The following ITPR3 variants were observed in gnomAD, a reference collection of about 807,000 sequenced individuals.
ITPR3 encodes the protein inositol 1,4,5-trisphosphate-gated calcium channel ITPR3.
In ITPR3, 173 loss-of-function variants were observed where a neutral mutation model predicts 293.2. The observed-to-expected ratio is 0.59, with a 90% CI of 0.52 to 0.67. ITPR3 has a LOEUF of 0.67. Ranked by LOEUF, ITPR3 falls within the 30% of genes least tolerant of loss-of-function variation. The pLI is 0.00. For missense variants in ITPR3, 2,796 were observed against 3,592.1 expected (o/e 0.78, Z 5.66); for synonymous variants, 1,295 against 1,444.4 (o/e 0.90, Z 2.35).
At position 33,633,851 on chromosome 6, in the gene ITPR3, G is replaced by A. The variant is rs1410184999; in HGVS notation, c.90-6633G>A. On this transcript the variant is annotated intron_variant, in intron 1 of 57. Coordinates refer to ENST00000605930, the MANE Select transcript of ITPR3 (RefSeq NM_002224.4). The surrounding 1 kb of genome is among the most constrained non-coding windows in gnomAD (Gnocchi z 5.2). ...CGGGGCGGGCGCGGGGCGGGGCCGG[G>A]CCGGGCCGGGGCGGGGCCAGGGAGG... 6.8e-6 allele frequency among the ~76,000 whole-genome samples: 1 copy of A among 146,286 alleles called. No individual in the cohort carries two copies. The highest frequency in any genetic ancestry group is 1.5e-5 in the Non-Finnish European group (1 of 65,854).
intron 7 of ITPR3, among the ~76,000 whole-genome samples, chr6:33,661,624 G>A (rs1020300918): frequency 6.6e-6 from 1 of 152,170 alleles, no homozygotes; most frequent in Non-Finnish European, 1.5e-5. Flanking sequence ...GGAGGTCATT[G>A]TATTCCCATT....
In ITPR3 at chr6:33,673,208, G is replaced by C. The variant is rs370915640; in HGVS notation, c.2929-383G>C. The stretch of plus-strand genomic sequence containing the variant: ...CCCATGAGTATCCAGGGTCTGTTTG[G>C]CTGAGCAGGATAGGAGGACAAGAGT... On this transcript the variant is annotated intron_variant, in intron 22 of 57. Transcript: ENST00000605930. Among the ~76,000 whole-genome samples, 73 of 152,308 alleles carry C rather than the reference G, an allele frequency of 4.8e-4. 2 individuals carry two copies. In the East Asian group the frequency reaches 0.012, roughly 25 times the overall value.
chr6:33,659,189 C>A, intron 6 of ITPR3, 70 bp downstream of exon 6: 2 of 1,400,868 alleles, frequency 1.4e-6, no homozygotes, highest in Non-Finnish European at 2.0e-6. Context: ...AGACACCCCG[C>A]TCCCTGCCAT....
intron 18 of ITPR3, 63 bp downstream of exon 18, chr6:33,669,219 C>G: frequency 6.6e-7 from 1 of 1,513,538 alleles, no homozygotes; most frequent in Non-Finnish European, 9.0e-7. Flanking sequence ...AGTAGGCCGT[C>G]AGTCAATCCC....
intron 2 of ITPR3, among the ~76,000 whole-genome samples, chr6:33,646,362 T>TCCCACCC (rs1481984874): frequency 2.1e-5 from 2 of 97,134 alleles, no homozygotes; most frequent in African/African-American, 8.2e-5. Context: ...CCCACCCTCT[T>TCCCACCC]CCCACCCCCC....
intron 1 of ITPR3, among the ~76,000 whole-genome samples, chr6:33,630,808 G>T (rs1434318840): frequency 6.6e-6 from 1 of 152,216 alleles, no homozygotes; most frequent in African/African-American, 2.4e-5. Context: ...GCTTTCTGAA[G>T]GCTTTAGCTG....
chr6:33,642,209 C>T (rs1763967486), intron 2 of ITPR3, among the ~76,000 whole-genome samples: 1 of 152,158 alleles, frequency 6.6e-6, no homozygotes, highest in African/African-American at 2.4e-5. Context: ...AGCCCAGGCT[C>T]TGTGGGTTTA....
chr6:33,675,747 T>A lies in ITPR3; in HGVS notation c.3173T>A (p.Val1058Glu). 6.2e-7 allele frequency: 1 copy of A among 1,613,078 alleles called. No homozygotes were observed. Among genetic ancestry groups the A allele is most frequent in the Non-Finnish European group, 8.5e-7 (1 of 1,179,868 alleles). The stretch of plus-strand genomic sequence containing the variant: ...GAGGGCGGCCGCATGTTCCTGCGCG[T>A]GCTCATCCACCTCACCATGCACGAC... ...DDEGGRMFLR[V>E]LIHLTMHDYA... The change falls in exon 25 of 58, where the codon GTG becomes GAG. Residue 1058 changes from valine (V) to glutamate (E), a missense_variant. Around this residue, in one of 8 missense-constraint regions of ITPR3, gnomAD observed 955 missense variants for 1,180.8 expected, o/e 0.81. Coordinates refer to ENST00000605930, the MANE Select transcript of ITPR3 (RefSeq NM_002224.4). The surrounding 1 kb of genome is among the most constrained non-coding windows in gnomAD (Gnocchi z 5.0).
chr6:33,686,757 T>C (rs1765243214), intron 43 of ITPR3, among the ~76,000 whole-genome samples: 3 of 152,176 alleles, frequency 2.0e-5, no homozygotes, highest in Non-Finnish European at 2.9e-5. Flanking sequence ...CTGGTTTAGC[T>C]GAGGACTTGC....
chr6:33,635,973 CTGA>C (rs1763811915), intron 1 of ITPR3, among the ~76,000 whole-genome samples: 1 of 151,776 alleles, frequency 6.6e-6, no homozygotes. Flanking sequence ...GAGTGCTGGC[CTGA>C]TTTGACTTAC....
Position 33,686,071 on chromosome 6 carries a change from A to G in ITPR3, c.5686A>G (p.Asn1896Asp). The G allele has an allele frequency of 6.2e-7, 1 of 1,614,092 alleles. No homozygotes were observed. Among genetic ancestry groups the G allele is most frequent in the Non-Finnish European group, 8.5e-7 (1 of 1,180,028 alleles). Residue 1896 changes from asparagine to aspartate, a missense_variant, in exon 42 of 58, where the codon AAC becomes GAC. This residue lies in a region of ITPR3 where 704 missense variants were observed against 797.5 expected (regional missense o/e 0.88). Transcript: ENST00000605930. ...RDLQNFLRCQNNKTNYNLVCE... is the reference protein window; with the variant it reads ...RDLQNFLRCQDNKTNYNLVCE... ...CCCGCAGAACTTCCTGCGCTGTCAGAACAACAAAACCAACTACAACTTGGT... is the reference window on the plus strand; with the variant it reads ...CCCGCAGAACTTCCTGCGCTGTCAGGACAACAAAACCAACTACAACTTGGT...
chr6:33,674,105 G>C, intron 23 of ITPR3, 103 bp from the exon 24 acceptor site: 1 of 1,377,424 alleles, frequency 7.3e-7, no homozygotes, highest in Non-Finnish European at 1.0e-6. Flanking sequence ...AGCAGCTGCT[G>C]TGCAGCCAGT....
intron 25 of ITPR3, 37 bp from the exon 26 acceptor site, chr6:33,676,731 G>C (rs765936861): frequency 6.2e-6 from 10 of 1,610,776 alleles, no homozygotes; most frequent in Non-Finnish European, 7.6e-6. Context: ...TGGACCTGGA[G>C]CCCATCTCAC....
intron 48 of ITPR3, 50 bp downstream of exon 48, chr6:33,688,481 T>A: frequency 6.6e-7 from 1 of 1,505,142 alleles, no homozygotes; most frequent in Non-Finnish European, 8.9e-7. Flanking sequence ...TGTTCACTGA[T>A]GCCCTGTTAT....
At chr6:33,639,727 T>C (rs1251333714) in intron 1 of ITPR3, among the ~76,000 whole-genome samples, 1 of 151,456 alleles carries the variant, frequency 6.6e-6, no homozygotes, top group Non-Finnish European at 1.5e-5. Flanking sequence ...GGTGCATGGG[T>C]GGGTGGATGA....
At chr6:33,680,826 T>TC in intron 33 of ITPR3, 146 bp downstream of exon 33, 1 of 1,057,150 alleles carries the variant, frequency 9.5e-7, no homozygotes. Context: ...TTATCTTTTT[T>TC]TTTTTTTTTT....
chr6:33,628,488 G>A (rs969373217), intron 1 of ITPR3, among the ~76,000 whole-genome samples: 2 of 152,254 alleles, frequency 1.3e-5, no homozygotes, highest in Non-Finnish European at 2.9e-5. Flanking sequence ...TTGGGGTCAC[G>A]CAGCAGGGGA....
rs902168761 is a variant in ITPR3, at chr6:33,651,523, C to T, written c.161-4243C>T. ...CTGAGACTGTATCCCTATAGGGTCC[C>T]GGTCTTCTGTTGACCCCTCACCTTC... is the stretch of plus-strand genomic sequence containing the variant. On this transcript the variant is annotated intron_variant, in intron 2 of 57. Transcript: ENST00000605930. Among the ~76,000 whole-genome samples, 8 of 152,218 alleles carry T rather than the reference C, an allele frequency of 5.3e-5. No homozygotes were observed. The East Asian group carries it at 5.8e-4, about 11-fold the overall frequency.
At position 33,686,426 on chromosome 6, in the gene ITPR3, C is replaced by G; in HGVS notation, c.5886C>G (p.His1962Gln). 6.2e-7 allele frequency: 1 copy of G among 1,614,014 alleles called. No homozygotes were observed. The highest frequency in any genetic ancestry group is 8.5e-7 in the Non-Finnish European group (1 of 1,179,844). ...CCTGCCAGACTTGCATTGTGACTCACGAGTCCAATGGCATAGACATCATCA... is the reference window on the plus strand; with the variant it reads ...CCTGCCAGACTTGCATTGTGACTCAGGAGTCCAATGGCATAGACATCATCA... ...CHENQTCIVT[H>Q]ESNGIDIITA... Residue 1962 changes from histidine (H) to glutamine (Q), a missense_variant, in exon 43 of 58, where the codon CAC becomes CAG. This residue lies in a region of ITPR3 where 704 missense variants were observed against 797.5 expected (regional missense o/e 0.88). Coordinates refer to ENST00000605930, the MANE Select transcript of ITPR3 (RefSeq NM_002224.4).
Sources: gnomAD v4.1 joint callset for allele counts (sites outside exome capture counted in the v4.1 genomes callset) on GRCh38, gnomAD v4.1.1 for gene constraint, gnomAD v4.1.1 regional missense constraint, Gnocchi (gnomAD v3.1) non-coding constraint, MANE v1.5 for transcripts, NCBI Gene and HGNC (gene_info 2026-07-23, HGNC 2026-07-21) for gene names.